The following CFAP299 variants were observed in gnomAD, a reference collection of about 807,000 sequenced individuals.
CFAP299 encodes cilia- and flagella-associated protein 299.
A neutral mutation model predicts 27.0 loss-of-function variants in CFAP299; 21 were observed. The observed-to-expected ratio is 0.78, with a 90% CI of 0.55 to 1.12. The LOEUF is 1.12. Ranked by LOEUF, CFAP299 falls within the 50% of genes most tolerant of loss-of-function variation. The pLI, the probability that CFAP299 is intolerant of heterozygous loss-of-function variation, is 0.00. For missense variants in CFAP299, 310 were observed against 276.6 expected (o/e 1.12, Z -0.86); for synonymous variants, 104 against 98.1 (o/e 1.06, Z -0.36).
chr4:80,798,496 A>G (rs1728000377), intron 3 of CFAP299, among the ~76,000 whole-genome samples: 1 of 152,036 alleles, frequency 6.6e-6, no homozygotes, highest in Non-Finnish European at 1.5e-5. Context: ...TTTTCCATTC[A>G]ATGCCCTCAC....
chr4:80,416,775 G>A (rs980054599), intron 2 of CFAP299, among the ~76,000 whole-genome samples: 9 of 152,120 alleles, frequency 5.9e-5, no homozygotes, highest in Non-Finnish European at 1.2e-4. Flanking sequence ...GGTAAGGTTC[G>A]TAACACTGAC....
At chr4:80,506,738 C>T (rs1732057546) in intron 2 of CFAP299, among the ~76,000 whole-genome samples, 1 of 152,088 alleles carries the variant, frequency 6.6e-6, no homozygotes, top group African/African-American at 2.4e-5. Flanking sequence ...CTTTATCCCA[C>T]TCTCATAAAC....
chr4:80,615,134 C>A (rs184728307), intron 3 of CFAP299, among the ~76,000 whole-genome samples: 14 of 152,178 alleles, frequency 9.2e-5, no homozygotes, highest in Non-Finnish European at 1.9e-4. Flanking sequence ...CTCTATGCAG[C>A]CACTAACTTT....
chr4:80,325,733 G>T, the CFAP299 span, among the ~76,000 whole-genome samples: 1 of 152,144 alleles, frequency 6.6e-6, no homozygotes, highest in Non-Finnish European at 1.5e-5. Flanking sequence ...ATATATTCTG[G>T]AGGAAGACTT....
At chr4:80,934,614 C>T (rs1182708693) in intron 4 of CFAP299, among the ~76,000 whole-genome samples, 1 of 150,934 alleles carries the variant, frequency 6.6e-6, no homozygotes, top group Non-Finnish European at 1.5e-5. Flanking sequence ...TTTCAAGATT[C>T]AATCTTGTTA....
At chr4:80,354,229 C>T (rs1723151520) in intron 1 of CFAP299, among the ~76,000 whole-genome samples, 1 of 152,136 alleles carries the variant, frequency 6.6e-6, no homozygotes, top group South Asian at 2.1e-4. Flanking sequence ...ATATCATTTT[C>T]ATTTCAGAGG....
At chr4:80,810,099 T>A (rs1028345712) in intron 3 of CFAP299, among the ~76,000 whole-genome samples, 13 of 152,166 alleles carry the variant, frequency 8.5e-5, no homozygotes, top group African/African-American at 3.1e-4. Flanking sequence ...AGTGTTCTTG[T>A]TGTTTATTGG....
At position 80,364,042 on chromosome 4, in the gene CFAP299, G is replaced by A. The variant is rs1285773200; in HGVS notation, c.242+1158G>A. Among the ~76,000 whole-genome samples, 15 of 142,786 alleles carry A rather than the reference G, an allele frequency of 1.1e-4. 1 individual carries two copies. Among genetic ancestry groups the A allele is most frequent in the Admixed American group, 1.0e-3 (14 of 13,982 alleles). 93.7% of individuals were successfully genotyped at this position (142,786 alleles called of 152,430 possible). On this transcript the variant is annotated intron_variant, in intron 2 of 5. Coordinates refer to ENST00000358105, the MANE Select transcript of CFAP299 (RefSeq NM_152770.3). Reference sequence around the variant, plus strand: ...GCGGAGCTTGCAGTGAGCCAAGATCGCGCCACTGCACTCCAGCCTGGGCAA... The same window carrying A: ...GCGGAGCTTGCAGTGAGCCAAGATCACGCCACTGCACTCCAGCCTGGGCAA...
chr4:80,782,880 C>A (rs570212409), intron 3 of CFAP299, among the ~76,000 whole-genome samples: 18 of 151,378 alleles, frequency 1.2e-4, no homozygotes, highest in Admixed American at 7.3e-4. Flanking sequence ...TTCCTAAAAT[C>A]TACTGGTGCT....
intron 3 of CFAP299, among the ~76,000 whole-genome samples, chr4:80,670,235 A>G (rs890873449): frequency 9.9e-5 from 15 of 151,768 alleles, no homozygotes; most frequent in African/African-American, 2.9e-4. Flanking sequence ...GAAAACATGC[A>G]GTGTTTGGTT....
chr4:80,567,648 T>C (rs1735369019), intron 2 of CFAP299, among the ~76,000 whole-genome samples: 2 of 151,868 alleles, frequency 1.3e-5, no homozygotes, highest in Non-Finnish European at 2.9e-5. Context: ...GAATTGATGC[T>C]CAAAGGAAAG....
At chr4:80,479,337 G>T (rs1194574833) in intron 2 of CFAP299, among the ~76,000 whole-genome samples, 1 of 151,894 alleles carries the variant, frequency 6.6e-6, no homozygotes, top group Non-Finnish European at 1.5e-5. Context: ...AAAATTTGGA[G>T]GTATCTCTTT....
At chr4:80,634,905 A>T (rs1739406569) in intron 3 of CFAP299, among the ~76,000 whole-genome samples, 1 of 152,152 alleles carries the variant, frequency 6.6e-6, no homozygotes, top group Admixed American at 6.5e-5. Context: ...AACATGTAAA[A>T]TGTGGAATAC....
At chr4:80,467,722 A>G (rs60806961) in intron 2 of CFAP299, among the ~76,000 whole-genome samples, 15,221 of 152,262 alleles carry the variant, frequency 0.1, 1,966 homozygotes, top group African/African-American at 0.3. Context: ...TCACACTGCT[A>G]TAAAGAAATA....
At chr4:80,694,321 A>G (rs1329709411) in intron 3 of CFAP299, among the ~76,000 whole-genome samples, 1 of 152,208 alleles carries the variant, frequency 6.6e-6, no homozygotes, top group African/African-American at 2.4e-5. Flanking sequence ...CAAAAGCTCA[A>G]CACCCATGCC....
intron 3 of CFAP299, among the ~76,000 whole-genome samples, chr4:80,668,822 A>T (rs1741283016): frequency 6.6e-6 from 1 of 152,046 alleles, no homozygotes. Context: ...TTCCATATAA[A>T]TTTTAGGATT....
intron 3 of CFAP299, among the ~76,000 whole-genome samples, chr4:80,627,923 A>G (rs2109941315): frequency 6.6e-6 from 1 of 152,266 alleles, no homozygotes; most frequent in South Asian, 2.1e-4. Flanking sequence ...AGCAAGCTAC[A>G]GATTCAACAG....
At chr4:80,821,041 T>C (rs1395415995) in intron 3 of CFAP299, among the ~76,000 whole-genome samples, 3 of 152,176 alleles carry the variant, frequency 2.0e-5, no homozygotes, top group African/African-American at 7.2e-5. Flanking sequence ...ATTAGAGTAG[T>C]TATCAGGAAA....
At chr4:80,488,212 C>CA (rs780231538) in intron 2 of CFAP299, among the ~76,000 whole-genome samples, 50 of 152,278 alleles carry the variant, frequency 3.3e-4, no homozygotes, top group Middle Eastern at 6.8e-3. Context: ...ACAAACACTA[C>CA]AGCCCCCCAC....
Sources: allele counts gnomAD v4.1 joint callset (sites outside exome capture counted in the v4.1 genomes callset), GRCh38; gene constraint gnomAD v4.1.1; transcripts MANE v1.5; gene names NCBI Gene and HGNC (gene_info 2026-07-23, HGNC 2026-07-21).